The following ZNF98 variants were observed in gnomAD, a reference collection of about 807,000 sequenced individuals.
ZNF98 encodes the protein zinc finger protein 739.
ZNF98 carries 8 observed loss-of-function variants against 12.8 expected under a neutral mutation model. That is an observed-to-expected ratio of 0.63 (90% CI 0.37 to 1.13). The LOEUF (loss-of-function observed/expected upper bound fraction) is 1.13. Among genes scored for constraint, ZNF98 ranks in the 50% most tolerant of loss-of-function variants. The pLI, the probability that ZNF98 is intolerant of heterozygous loss-of-function variation, is 0.01. For synonymous variants in ZNF98, 112 were observed against 223.5 expected (o/e 0.50, Z 4.45); for missense variants, 379 against 666.1 (o/e 0.57, Z 4.74).
chr19:22,411,351 G>T (rs1360172901), intron 1 of ZNF98, among the ~76,000 whole-genome samples: 1 of 152,140 alleles, frequency 6.6e-6, no homozygotes, highest in Non-Finnish European at 1.5e-5. Context: ...CTTTTGCATT[G>T]TAAGTACTTC....
intron 3 of ZNF98, among the ~76,000 whole-genome samples, chr19:22,400,398 A>G (rs1439897657): frequency 6.6e-6 from 1 of 152,136 alleles, no homozygotes; most frequent in African/African-American, 2.4e-5. Flanking sequence ...AAAGCCTACC[A>G]TATGCAGACC....
rs148352241 is a variant in ZNF98, at chr19:22,419,243, T to C, written c.30+2952A>G. ...TAATCTAACTTTGGTTTATTTTAAA[T>C]AGTCTAGAAACTGCTTCAAAACAAT... On this transcript the variant is annotated intron_variant, in intron 1 of 3. Coordinates refer to ENST00000357774, the MANE Select transcript of ZNF98 (RefSeq NM_001098626.2). 1.5e-3 allele frequency among the ~76,000 whole-genome samples: 222 copies of C among 152,336 alleles called. 1 individual carries two copies. The highest frequency in any genetic ancestry group is 4.4e-3 in the Admixed American group (67 of 15,304).
Position 22,417,229 on chromosome 19 carries a change from CAAAAAAAAAAAAAAAA to C in ZNF98, c.30+4950_30+4965del, listed in dbSNP as rs57152900. 1.8e-4 allele frequency among the ~76,000 whole-genome samples: 8 copies of C among 45,454 alleles called. No homozygotes were observed. In the South Asian group the frequency reaches 7.5e-3, roughly 42 times the overall value. 29.8% of individuals were successfully genotyped at this position (45,454 alleles called of 152,430 possible). A position where few individuals can be genotyped will look rare whatever the true frequency, so the allele number is the denominator to read the frequency against. ...GGGCAATAAGAGCAAAACTCCATCT[CAAAAAAAAAAAAAAAA>C]AAAAAAAAAAAATTAAGTAAGAGCT... On this transcript the variant is annotated intron_variant, in intron 1 of 3. Transcript: ENST00000357774.
At chr19:22,405,529 G>C (rs1193094438) in intron 1 of ZNF98, among the ~76,000 whole-genome samples, 1 of 152,142 alleles carries the variant, frequency 6.6e-6, no homozygotes, top group Admixed American at 6.5e-5. Context: ...GAGAGATGGT[G>C]AATGAATGTG....
chr19:22,396,117 A>ATG, intron 3 of ZNF98, among the ~76,000 whole-genome samples: 1 of 152,264 alleles, frequency 6.6e-6, no homozygotes, highest in East Asian at 1.9e-4. Context: ...ATAAAAACAG[A>ATG]ATCTTGTGGC....
rs377041294 is a variant in ZNF98 at position 22,403,283 on chromosome 19, A to ACCC, written c.157+102_157+103insGGG. ...TAAAAAAAAAAAACAAAAAAAAAAA[A>ACCC]CAGAGATCTGAAAGCATAAACTACC... On this transcript the variant is annotated intron_variant, in intron 2 of 3. Transcript: ENST00000357774. 6 of 1,365,862 alleles carry ACCC rather than the reference A, an allele frequency of 4.4e-6. No individual in the cohort carries two copies. In the African/African-American group the frequency reaches 9.5e-5, roughly 22 times the overall value. The allele number at this position is 1,365,862 out of a possible 1,614,324, so 84.6% of individuals were successfully genotyped here. A position where few individuals can be genotyped will look rare whatever the true frequency, so the allele number is the denominator to read the frequency against.
At chr19:22,408,629 T>G (rs768201697) in intron 1 of ZNF98, among the ~76,000 whole-genome samples, 1 of 152,138 alleles carries the variant, frequency 6.6e-6, no homozygotes, top group Non-Finnish European at 1.5e-5. Context: ...AAAAATCACA[T>G]GCATTCCTAT....
At chr19:22,418,708 G>A (rs1159481322) in intron 1 of ZNF98, among the ~76,000 whole-genome samples, 3 of 152,048 alleles carry the variant, frequency 2.0e-5, no homozygotes, top group African/African-American at 7.2e-5. Flanking sequence ...GTGAAACCCC[G>A]CCTCTACTAA....
intron 3 of ZNF98, 87 bp downstream of exon 3, chr19:22,402,702 A>G: frequency 8.3e-7 from 1 of 1,211,688 alleles, no homozygotes; most frequent in Non-Finnish European, 1.1e-6. Context: ...CAGATTTCAA[A>G]TCATTTTAAG....
At chr19:22,399,429 A>G (rs1295776958) in intron 3 of ZNF98, among the ~76,000 whole-genome samples, 1 of 152,220 alleles carries the variant, frequency 6.6e-6, no homozygotes, top group African/African-American at 2.4e-5. Flanking sequence ...ATCCAAATTT[A>G]GAAGCAAAAA....
At chr19:22,393,972 C>G (rs1160993433) in intron 3 of ZNF98, among the ~76,000 whole-genome samples, 6 of 150,642 alleles carry the variant, frequency 4.0e-5, no homozygotes, top group African/African-American at 1.5e-4. Flanking sequence ...CTACAAAGAA[C>G]TTAAACAAAT....
rs530004828 is a variant in ZNF98, at chr19:22,422,282, C to G, written c.-58G>C. On this transcript the variant is annotated 5_prime_UTR_variant, in exon 1 of 4. Coordinates refer to ENST00000357774, the MANE Select transcript of ZNF98 (RefSeq NM_001098626.2). ...CAGGGCCACAGAGGCTGGGCCTCTA[C>G]GAGCAGAGGACACAGAAGGGCGAAG... 56 of 1,598,352 alleles carry G rather than the reference C, an allele frequency of 3.5e-5. No homozygotes were observed. In the South Asian group the frequency reaches 5.3e-4, roughly 15 times the overall value.
chr19:22,409,913 C>CAAAA (rs71180546), intron 1 of ZNF98, among the ~76,000 whole-genome samples: 48 of 89,268 alleles, frequency 5.4e-4, no homozygotes, highest in East Asian at 1.0e-3. Context: ...CTCTATCTCA[C>CAAAA]AAAAAAAAAA....
At chr19:22,400,130 A>G (rs1969440022) in intron 3 of ZNF98, among the ~76,000 whole-genome samples, 1 of 152,150 alleles carries the variant, frequency 6.6e-6, no homozygotes, top group African/African-American at 2.4e-5. Context: ...CCCTGCAATC[A>G]TCCCAAACTC....
chr19:22,407,639 G>T (rs1398769943), intron 1 of ZNF98, among the ~76,000 whole-genome samples: 5 of 151,794 alleles, frequency 3.3e-5, no homozygotes, highest in Admixed American at 3.3e-4. Context: ...TTGAACCCGG[G>T]AGGCGGAGGT....
chr19:22,391,154 A>C lies in ZNF98; in HGVS notation c.*362T>G, dbSNP rs1197136240. On this transcript the variant is annotated 3_prime_UTR_variant, in exon 4 of 4. Transcript: ENST00000357774. ...TGAATACAACAAGATCTGTGTTACA[A>C]GTAAAGTTACCACAACTTCGTTTAT... The C allele has an allele frequency of 8.8e-6, 2 of 226,984 alleles. No homozygotes were observed. Among genetic ancestry groups the C allele is most frequent in the Non-Finnish European group, 1.7e-5 (2 of 114,812 alleles). The allele number at this position is 226,984 out of a possible 1,614,324, so 14.1% of individuals were successfully genotyped here.
intron 3 of ZNF98, among the ~76,000 whole-genome samples, chr19:22,396,677 G>A (rs1013006666): frequency 2.0e-4 from 30 of 152,058 alleles, no homozygotes; most frequent in Non-Finnish European, 4.0e-4. Context: ...GGGCAAGATG[G>A]AAGAATACAT....
chr19:22,395,178 G>GAAA (rs71180538), intron 3 of ZNF98, among the ~76,000 whole-genome samples: 2 of 99,892 alleles, frequency 2.0e-5, no homozygotes, highest in Admixed American at 1.1e-4. Flanking sequence ...GTTTCAAAAA[G>GAAA]AAAAAAAAAA....
chr19:22,408,040 G>A (rs923002255), intron 1 of ZNF98, among the ~76,000 whole-genome samples: 12 of 151,958 alleles, frequency 7.9e-5, no homozygotes, highest in African/African-American at 2.2e-4. Context: ...CACTGCACTG[G>A]ACAACAAGTG....
Sources: gnomAD v4.1 joint callset for allele counts (sites outside exome capture counted in the v4.1 genomes callset) on GRCh38, gnomAD v4.1.1 for gene constraint, MANE v1.5 for transcripts, NCBI Gene and HGNC (gene_info 2026-07-23, HGNC 2026-07-21) for gene names.